The following RABGAP1L variants were observed in gnomAD, a reference collection of about 807,000 sequenced individuals.
The protein encoded by RABGAP1L is rab GTPase-activating protein 1-like.
A neutral mutation model predicts 137.7 loss-of-function variants in RABGAP1L; 63 were observed. The ratio of observed to expected loss-of-function variants is 0.46; its 90% confidence interval spans 0.37 to 0.56. RABGAP1L has a LOEUF of 0.56. Among genes scored for constraint, RABGAP1L ranks in the 20% least tolerant of loss-of-function variants. The pLI, the probability that RABGAP1L is intolerant of heterozygous loss-of-function variation, is 0.00. For missense variants in RABGAP1L, 1,095 were observed against 1,244.0 expected, an observed-to-expected ratio of 0.88 and a Z score of 1.80; for synonymous variants, 431 against 433.7, an observed-to-expected ratio of 0.99 and a Z score of 0.08.
chr1:174,912,758 T>C (rs61828143), intron 19 of RABGAP1L, among the ~76,000 whole-genome samples: 16,638 of 152,210 alleles, frequency 0.11, 990 homozygotes, highest in East Asian at 0.22. Context: ...CCCTGAAAAT[T>C]ATTGAAATAT....
intron 13 of RABGAP1L, among the ~76,000 whole-genome samples, chr1:174,466,160 C>G (rs1485852809): frequency 6.6e-6 from 1 of 152,156 alleles, no homozygotes; most frequent in African/African-American, 2.4e-5. Flanking sequence ...CTTGGAAAAT[C>G]AGTTTATTGA....
At chr1:174,349,815 A>C (rs1213886250) in intron 11 of RABGAP1L, among the ~76,000 whole-genome samples, 1 of 113,956 alleles carries the variant, frequency 8.8e-6, no homozygotes, top group Admixed American at 8.8e-5. Context: ...GGCCGGGCAG[A>C]GGCGCCCCTC....
intron 20 of RABGAP1L, among the ~76,000 whole-genome samples, chr1:174,965,939 A>G (rs1669581984): frequency 6.6e-6 from 1 of 152,170 alleles, no homozygotes; most frequent in African/African-American, 2.4e-5. Flanking sequence ...GAAGGGTTTC[A>G]GTTGCAACAG....
intron 19 of RABGAP1L, among the ~76,000 whole-genome samples, chr1:174,849,002 C>T (rs1229860222): frequency 2.0e-5 from 3 of 152,092 alleles, no homozygotes; most frequent in South Asian, 2.1e-4. Flanking sequence ...CAGGTGCGTC[C>T]GTCACCGCTT....
At chr1:174,507,180 G>A (rs1661900992) in intron 13 of RABGAP1L, among the ~76,000 whole-genome samples, 1 of 152,206 alleles carries the variant, frequency 6.6e-6, no homozygotes, top group Admixed American at 6.5e-5. Context: ...AGAGTCTGAA[G>A]TGCAGAGGAA....
intron 14 of RABGAP1L, among the ~76,000 whole-genome samples, chr1:174,653,750 T>C (rs965065653): frequency 6.6e-6 from 1 of 152,242 alleles, no homozygotes; most frequent in Non-Finnish European, 1.5e-5. Flanking sequence ...TTGAACAATA[T>C]CTGATTACTT....
chr1:174,312,409 C>T (rs1678945319), intron 11 of RABGAP1L, among the ~76,000 whole-genome samples: 1 of 151,974 alleles, frequency 6.6e-6, no homozygotes, highest in African/African-American at 2.4e-5. Context: ...TGAGAAATGT[C>T]TATTCAAATC....
chr1:174,507,907 C>A (rs112531424), intron 13 of RABGAP1L, among the ~76,000 whole-genome samples: 5 of 151,958 alleles, frequency 3.3e-5, no homozygotes, highest in Non-Finnish European at 7.4e-5. Flanking sequence ...TGGTTTATTT[C>A]GTTTTGTATT....
At position 174,957,440 on chromosome 1, in the gene RABGAP1L, T is replaced by C; in HGVS notation, c.2341-17T>C. 6.3e-7 allele frequency: 1 copy of C among 1,592,860 alleles called. No homozygotes were observed. The highest frequency in any genetic ancestry group is 8.6e-7 in the Non-Finnish European group (1 of 1,161,076). On this transcript the variant is annotated splice_polypyrimidine_tract_variant and intron_variant, in intron 19 of 25. Coordinates refer to ENST00000681986, the MANE Select transcript of RABGAP1L (RefSeq NM_001366446.1). ...ATGGTGTCCTTGTCTAACATGGTTTTCCTCAAATCCCTGCAGGTACCAACC... is the reference window on the plus strand; with the variant it reads ...ATGGTGTCCTTGTCTAACATGGTTTCCCTCAAATCCCTGCAGGTACCAACC...
At chr1:174,652,719 A>G (rs1244813143) in intron 14 of RABGAP1L, among the ~76,000 whole-genome samples, 1 of 152,096 alleles carries the variant, frequency 6.6e-6, no homozygotes, top group Non-Finnish European at 1.5e-5. Flanking sequence ...GCTCTCCTAT[A>G]TGAGATGTCT....
At chr1:174,531,861 A>G (rs545279926) in intron 13 of RABGAP1L, among the ~76,000 whole-genome samples, 16 of 152,272 alleles carry the variant, frequency 1.1e-4, no homozygotes, top group African/African-American at 3.6e-4. Context: ...TTGCTGTTCA[A>G]TAGAAATACT....
chr1:174,300,655 G>A (rs1407641684), intron 10 of RABGAP1L, among the ~76,000 whole-genome samples: 2 of 151,970 alleles, frequency 1.3e-5, no homozygotes, highest in Admixed American at 6.6e-5. Context: ...GCTTATGCCT[G>A]TATTCCTAGC....
intron 14 of RABGAP1L, among the ~76,000 whole-genome samples, chr1:174,673,228 C>A (rs1442338075): frequency 2.0e-5 from 3 of 152,074 alleles, no homozygotes; most frequent in Non-Finnish European, 4.4e-5. Flanking sequence ...CAAGATTAGG[C>A]AGAGGTCTGG....
chr1:174,957,463 A>G lies in RABGAP1L; in HGVS notation c.2347A>G (p.Thr783Ala), dbSNP rs369879598. ...TTTCCTCAAATCCCTGCAGGTACCA[A>G]CCAAGAAGCTGAAGAAATATGAGAA... is the stretch of plus-strand genomic sequence containing the variant. ...MEQACNIKVP[T>A]KKLKKYEKEY... is the part of the protein sequence containing the mutation. The change falls in exon 20 of 26, where the codon ACC becomes GCC. Residue 783 changes from threonine to alanine, a missense_variant. By Grantham distance (58) the Thr-to-Ala change is moderately conservative. Transcript: ENST00000681986. 4 of 1,613,238 alleles carry G rather than the reference A, an allele frequency of 2.5e-6. No individual in the cohort carries two copies. The South Asian group carries it at 3.3e-5, about 13-fold the overall frequency.
intron 13 of RABGAP1L, among the ~76,000 whole-genome samples, chr1:174,427,926 A>G (rs531140619): frequency 2.8e-4 from 43 of 152,316 alleles, no homozygotes; most frequent in Non-Finnish European, 5.4e-4. Flanking sequence ...AAGATGATCA[A>G]GCACACTCAG....
intron 19 of RABGAP1L, among the ~76,000 whole-genome samples, chr1:174,866,145 GA>G (rs1651194460): frequency 6.7e-6 from 1 of 150,256 alleles, no homozygotes; most frequent in Admixed American, 6.6e-5. Context: ...GAGAGAGAGA[GA>G]GAGAGAGAGA....
At chr1:174,300,377 T>C (rs182601309) in intron 10 of RABGAP1L, among the ~76,000 whole-genome samples, 9 of 151,794 alleles carry the variant, frequency 5.9e-5, no homozygotes, top group African/African-American at 1.9e-4. Context: ...AATACAAAAT[T>C]AGCAGGTTGT....
In RABGAP1L at chr1:174,393,985, G is replaced by A. The variant is rs1272458497; in HGVS notation, c.1560-10G>A. The A allele has an allele frequency of 6.2e-7, 1 of 1,609,864 alleles. No individual in the cohort carries two copies. The highest frequency in any genetic ancestry group is 8.5e-7 in the Non-Finnish European group (1 of 1,178,502). On this transcript the variant is annotated splice_polypyrimidine_tract_variant and intron_variant, in intron 12 of 25. Transcript: ENST00000681986. ...GGAAGTGTGAATGGATTATTTTCTT[G>A]TCTTCTCAGGCACAGTAACCTTGGT...
intron 14 of RABGAP1L, among the ~76,000 whole-genome samples, chr1:174,683,078 T>TGG (rs1402296783): frequency 8.0e-6 from 1 of 125,074 alleles, no homozygotes; most frequent in Non-Finnish European, 1.7e-5. Context: ...TTTTTTTTTT[T>TGG]GGCATGGGGT....
Sources: gnomAD v4.1 joint callset for allele counts (sites outside exome capture counted in the v4.1 genomes callset) on GRCh38, gnomAD v4.1.1 for gene constraint, MANE v1.5 for transcripts, NCBI Gene and HGNC (gene_info 2026-07-23, HGNC 2026-07-21) for gene names.